The following OR3A2 variants were observed in gnomAD, a reference collection of about 807,000 sequenced individuals.
The protein encoded by OR3A2 is olfactory receptor family 3 subfamily A member 2, also known as olfactory receptor 3A2.
For missense variants in OR3A2, 318 were observed against 392.8 expected (o/e 0.81, Z 1.61); for synonymous variants, 126 against 159.3 (o/e 0.79, Z 1.57).
intron 3 of OR3A2, among the ~76,000 whole-genome samples, chr17:3,304,886 A>C (rs929180570): frequency 6.6e-6 from 1 of 152,250 alleles, no homozygotes; most frequent in African/African-American, 2.4e-5. Flanking sequence ...TGTTGAGTAA[A>C]GGAAGCCTTA....
chr17:3,373,135 T>G (rs1004162068), intron 2 of OR3A2, among the ~76,000 whole-genome samples: 1 of 152,240 alleles, frequency 6.6e-6, no homozygotes, highest in African/African-American at 2.4e-5. Context: ...ATTTCCAATT[T>G]TATTCCACTG....
intron 2 of OR3A2, among the ~76,000 whole-genome samples, chr17:3,366,647 G>A (rs930762188): frequency 6.6e-6 from 1 of 152,084 alleles, no homozygotes; most frequent in Non-Finnish European, 1.5e-5. Flanking sequence ...TTTCCAATTT[G>A]TTTCATCTCA....
At chr17:3,370,583 T>C (rs1321203091) in intron 2 of OR3A2, among the ~76,000 whole-genome samples, 2 of 152,352 alleles carry the variant, frequency 1.3e-5, no homozygotes, top group South Asian at 4.1e-4. Flanking sequence ...TTTGTTCTTG[T>C]TTCTCTAGTT....
chr17:3,380,683 C>A (rs2049727105), intron 2 of OR3A2, among the ~76,000 whole-genome samples: 1 of 152,124 alleles, frequency 6.6e-6, no homozygotes, highest in African/African-American at 2.4e-5. Flanking sequence ...TCATCCAGGA[C>A]TAAGACTGTG....
exon 2 of OR3A2, chr17:3,278,800 C>T: frequency 6.6e-7 from 1 of 1,521,334 alleles, no homozygotes; most frequent in Non-Finnish European, 8.9e-7. Flanking sequence ...CCAGTTGTGA[C>T]CAGATAGGCA....
At chr17:3,354,211 A>G (rs1046202946) in intron 2 of OR3A2, among the ~76,000 whole-genome samples, 1 of 151,492 alleles carries the variant, frequency 6.6e-6, no homozygotes, top group South Asian at 2.1e-4. Flanking sequence ...AATGTTTGTA[A>G]CATTTCCTCC....
intron 3 of OR3A2, chr17:3,291,534 G>T (rs1438079974): frequency 1.0e-5 from 9 of 881,006 alleles, no homozygotes; most frequent in Non-Finnish European, 1.5e-5. Context: ...TTATGCCCAT[G>T]AAACAGAAAC....
intron 2 of OR3A2, among the ~76,000 whole-genome samples, chr17:3,369,366 G>A (rs998635393): frequency 6.6e-6 from 1 of 152,212 alleles, no homozygotes; most frequent in Non-Finnish European, 1.5e-5. Context: ...AATGTTGGCT[G>A]TGGGTTTGTG....
chr17:3,295,366 T>C (rs1295904474), intron 3 of OR3A2, among the ~76,000 whole-genome samples: 2 of 152,076 alleles, frequency 1.3e-5, no homozygotes, highest in Non-Finnish European at 2.9e-5. Context: ...ATATACTAAT[T>C]TCATTGTGCT....
intron 3 of OR3A2, among the ~76,000 whole-genome samples, chr17:3,325,868 T>G (rs936770097): frequency 6.6e-6 from 1 of 152,088 alleles, no homozygotes; most frequent in Admixed American, 6.6e-5. Context: ...CATGGTGGGT[T>G]GCTGCACAGA....
At chr17:3,337,706 G>C (rs978386937) in intron 2 of OR3A2, among the ~76,000 whole-genome samples, 3 of 152,120 alleles carry the variant, frequency 2.0e-5, no homozygotes, top group African/African-American at 7.2e-5. Context: ...CCAAGTCTTT[G>C]GTATTGTGAA....
intron 3 of OR3A2, among the ~76,000 whole-genome samples, chr17:3,294,072 G>A (rs2855672): frequency 0.67 from 101,790 of 151,828 alleles, 35,299 homozygotes; most frequent in East Asian, 1. Flanking sequence ...TTACCTATGT[G>A]ACAAACCTGC....
At chr17:3,286,980 G>T (rs1346012709), upstream of OR3A2, among the ~76,000 whole-genome samples, 1 of 152,156 alleles carries the variant, frequency 6.6e-6, no homozygotes, top group Non-Finnish European at 1.5e-5. Context: ...TAGACATGAA[G>T]TCCATGCCCA....
chr17:3,330,533 C>A (rs1360345862), intron 3 of OR3A2, among the ~76,000 whole-genome samples: 3 of 152,030 alleles, frequency 2.0e-5, no homozygotes, highest in African/African-American at 7.3e-5. Flanking sequence ...AGGATTGCAA[C>A]CCCTGCCTTT....
intron 2 of OR3A2, among the ~76,000 whole-genome samples, chr17:3,382,024 A>G (rs1182894679): frequency 1.3e-5 from 2 of 152,204 alleles, no homozygotes; most frequent in Admixed American, 6.5e-5. Flanking sequence ...CCAATGAGAG[A>G]TACAAGAAGC....
chr17:3,333,473 C>T (rs389631), intron 3 of OR3A2, among the ~76,000 whole-genome samples: 61,536 of 151,976 alleles, frequency 0.4, 12,815 homozygotes, highest in Admixed American at 0.52. Context: ...TGACCTACTC[C>T]CTGTTCGTAC....
chr17:3,348,188 T>C (rs1336455908), intron 2 of OR3A2, among the ~76,000 whole-genome samples: 1 of 152,196 alleles, frequency 6.6e-6, no homozygotes, highest in Non-Finnish European at 1.5e-5. Context: ...TCTCCCATTT[T>C]GTAGGTTGCC....
At chr17:3,285,658 C>T (rs1425901367), upstream of OR3A2, among the ~76,000 whole-genome samples, 1 of 152,062 alleles carries the variant, frequency 6.6e-6, no homozygotes, top group Non-Finnish European at 1.5e-5. Context: ...CACAGTGGTG[C>T]GGGCCTGTAG....
chr17:3,292,499 T>G (rs1234705303), intron 3 of OR3A2: 1 of 1,613,586 alleles, frequency 6.2e-7, no homozygotes, highest in South Asian at 1.1e-5. Flanking sequence ...CAAAGACAAC[T>G]GGCTGCAGCC....
Sources: allele counts gnomAD v4.1 joint callset (sites outside exome capture counted in the v4.1 genomes callset), GRCh38; gene constraint gnomAD v4.1.1; transcripts MANE v1.5; gene names NCBI Gene and HGNC (gene_info 2026-07-23, HGNC 2026-07-21).